Variants in IL1RAPL1 observed in about 807,000 individuals in gnomAD.
The protein encoded by IL1RAPL1 is interleukin-1 receptor accessory protein-like 1.
IL1RAPL1 carries 3 observed loss-of-function variants against 48.4 expected under a neutral mutation model. The ratio of observed to expected loss-of-function variants is 0.06; its 90% CI spans 0.03 to 0.16. IL1RAPL1 has a LOEUF of 0.16. Among genes scored for constraint, IL1RAPL1 ranks in the 10% least tolerant of loss-of-function variants. IL1RAPL1 has a pLI of 1.00. For missense variants in IL1RAPL1, 349 were observed against 530.6 expected, an observed-to-expected ratio of 0.66 and a Z score of 3.36; for synonymous variants, 185 against 187.7, an observed-to-expected ratio of 0.99 and a Z score of 0.12.
intron 6 of IL1RAPL1, among the ~76,000 whole-genome samples, chrX:29,710,472 T>C (rs1468292670): frequency 1.8e-5 from 2 of 109,115 alleles, no homozygotes; most frequent in African/African-American, 6.6e-5. Flanking sequence ...ATCACATTTA[T>C]TGATTTACAT....
At chrX:29,772,086 G>A (rs1485789585) in intron 6 of IL1RAPL1, among the ~76,000 whole-genome samples, 1 of 109,509 alleles carries the variant, frequency 9.1e-6, no homozygotes, top group South Asian at 4.1e-4. Context: ...TGGGAGCTAC[G>A]ATTCGAGATT....
At chrX:28,701,615 G>A (rs1323100292) in intron 1 of IL1RAPL1, among the ~76,000 whole-genome samples, 6 of 111,801 alleles carry the variant, frequency 5.4e-5, no homozygotes, top group Admixed American at 3.8e-4. Context: ...GAAATAAAAT[G>A]TGTAAATCTA....
At chrX:29,654,926 T>G (rs1183043474) in intron 5 of IL1RAPL1, among the ~76,000 whole-genome samples, 4 of 112,190 alleles carry the variant, frequency 3.6e-5, no homozygotes, top group Non-Finnish European at 7.5e-5. Flanking sequence ...TAAAAATAGT[T>G]TTATATTTAT....
rs760016901 is a variant in IL1RAPL1 at position 29,089,704 on chromosome X, CT to C, written c.83-193232del. Among the ~76,000 whole-genome samples, 187 of 80,283 alleles carry C rather than the reference CT, an allele frequency of 2.3e-3. 1 individual carries two copies. The highest frequency in any genetic ancestry group is 8.1e-3 in the Middle Eastern group (1 of 124). The allele number at this position is 80,283 out of a possible 115,157, so 69.7% of individuals were successfully genotyped here. On this transcript the variant is annotated intron_variant, in intron 2 of 10. Transcript: ENST00000378993. Reference sequence around the variant, plus strand: ...GTTTGAAATCTTTCCCTCTATTTTCCTTATGGTCGTCGTTCGTTTTTCTACA... The same window carrying C: ...GTTTGAAATCTTTCCCTCTATTTTCCTATGGTCGTCGTTCGTTTTTCTACA...
chrX:29,057,378 C>G lies in IL1RAPL1; in HGVS notation c.83-225560C>G, dbSNP rs776461658. On this transcript the variant is annotated intron_variant, in intron 2 of 10. Coordinates refer to ENST00000378993, the MANE Select transcript of IL1RAPL1 (RefSeq NM_014271.4). ...GTTAACCCAGAGTCTTGGGAGTGAA[C>G]TATTGTGGTTTGAAGCAGATCATGT... Among the ~76,000 whole-genome samples the G allele has an allele frequency of 2.6e-4, 29 of 110,059 alleles. No individual in the cohort carries two copies. The Middle Eastern group carries it at 0.014, about 54-fold the overall frequency.
intron 6 of IL1RAPL1, among the ~76,000 whole-genome samples, chrX:29,702,901 A>AAC (rs1927091392): frequency 8.9e-6 from 1 of 112,460 alleles, no homozygotes; most frequent in Non-Finnish European, 1.9e-5. Flanking sequence ...TCCTGGCCTA[A>AAC]TACAGCATTA....
chrX:28,733,278 A>T (rs1201008187), intron 1 of IL1RAPL1, among the ~76,000 whole-genome samples: 2 of 111,081 alleles, frequency 1.8e-5, no homozygotes, highest in African/African-American at 6.6e-5. Flanking sequence ...TATTAATCCA[A>T]TCCTAATTTT....
chrX:28,724,949 GTT>G, intron 1 of IL1RAPL1, among the ~76,000 whole-genome samples: 1 of 81,723 alleles, frequency 1.2e-5, no homozygotes, highest in African/African-American at 4.9e-5. Flanking sequence ...AACTCAATTT[GTT>G]TTTTTTTTTT....
At chrX:29,456,119 T>C (rs1359862931) in intron 5 of IL1RAPL1, among the ~76,000 whole-genome samples, 3 of 111,717 alleles carry the variant, frequency 2.7e-5, no homozygotes, top group Admixed American at 9.5e-5. Context: ...TACCCAAAAA[T>C]AGAAAAAAAT....
chrX:29,615,960 T>C (rs746491439), intron 5 of IL1RAPL1, among the ~76,000 whole-genome samples: 4 of 111,242 alleles, frequency 3.6e-5, no homozygotes, highest in Non-Finnish European at 7.5e-5. Context: ...ATCTCACTGC[T>C]AGATTGTGGG....
At chrX:29,014,818 C>T (rs776456635) in intron 2 of IL1RAPL1, among the ~76,000 whole-genome samples, 1 of 111,529 alleles carries the variant, frequency 9.0e-6, no homozygotes, top group African/African-American at 3.3e-5. Context: ...TATTCCAAAA[C>T]GAGAATACTT....
intron 2 of IL1RAPL1, among the ~76,000 whole-genome samples, chrX:29,078,796 G>A (rs993148490): frequency 1.8e-5 from 2 of 111,163 alleles, no homozygotes; most frequent in African/African-American, 6.5e-5. Flanking sequence ...GAGATATTGT[G>A]GTCTGTTATG....
At chrX:29,357,812 A>AATT (rs1933325034) in intron 3 of IL1RAPL1, among the ~76,000 whole-genome samples, 1 of 112,407 alleles carries the variant, frequency 8.9e-6, no homozygotes, top group Non-Finnish European at 1.9e-5. Context: ...TGTATGTGAC[A>AATT]CAGGGGACTT....
chrX:29,756,144 A>T (rs1428074118), intron 6 of IL1RAPL1, among the ~76,000 whole-genome samples: 1 of 111,988 alleles, frequency 8.9e-6, no homozygotes, highest in African/African-American at 3.2e-5. Flanking sequence ...AATGTCAATC[A>T]TTATTATCTC....
intron 2 of IL1RAPL1, among the ~76,000 whole-genome samples, chrX:28,863,900 A>G (rs1207967218): frequency 8.9e-6 from 1 of 111,805 alleles, no homozygotes; most frequent in Non-Finnish European, 1.9e-5. Context: ...AAACTGATAT[A>G]CATTGGTTTA....
chrX:28,683,367 T>C (rs1461220582), intron 1 of IL1RAPL1, among the ~76,000 whole-genome samples: 1 of 110,144 alleles, frequency 9.1e-6, no homozygotes, highest in Non-Finnish European at 1.9e-5. Context: ...CTTTTTTTTT[T>C]CCAAGAAGGG....
chrX:29,893,925 G>A (rs1486616531), intron 6 of IL1RAPL1, among the ~76,000 whole-genome samples: 1 of 111,913 alleles, frequency 8.9e-6, no homozygotes, highest in Non-Finnish European at 1.9e-5. Flanking sequence ...GAAAGAGGTT[G>A]TAAATATGTC....
intron 6 of IL1RAPL1, among the ~76,000 whole-genome samples, chrX:29,726,058 T>C (rs1927768545): frequency 8.9e-6 from 1 of 112,236 alleles, no homozygotes; most frequent in Admixed American, 9.4e-5. Flanking sequence ...AATTTGGTGA[T>C]GAGATATCTG....
intron 2 of IL1RAPL1, among the ~76,000 whole-genome samples, chrX:29,133,034 A>T (rs1012386029): frequency 1.8e-5 from 2 of 111,070 alleles, no homozygotes; most frequent in African/African-American, 6.5e-5. Flanking sequence ...AATAACCTCT[A>T]TTGTGAGGAT....
Sources: allele counts gnomAD v4.1 joint callset (sites outside exome capture counted in the v4.1 genomes callset), GRCh38; gene constraint gnomAD v4.1.1; transcripts MANE v1.5; gene names NCBI Gene and HGNC (gene_info 2026-07-23, HGNC 2026-07-21).